CSMD1: variants seen among roughly 807,000 people sequenced by gnomAD.
CSMD1 encodes the protein CUB and sushi domain-containing protein 1.
In CSMD1, 213 loss-of-function variants were observed where a neutral mutation model predicts 417.5. The ratio of observed to expected loss-of-function variants is 0.51; its 90% CI spans 0.46 to 0.57. The LOEUF is 0.57. Among genes scored for constraint, CSMD1 ranks in the 20% least tolerant of loss-of-function variants. The pLI, the probability that CSMD1 is intolerant of heterozygous loss-of-function variation, is 0.00. For synonymous variants in CSMD1, 2,862 were observed against 1,736.8 expected, an observed-to-expected ratio of 1.65 and a Z score of -16.11; for missense variants, 6,923 against 4,529.7, an observed-to-expected ratio of 1.53 and a Z score of -15.17.
At chr8:3,045,186 T>C (rs182879302) in intron 50 of CSMD1, among the ~76,000 whole-genome samples, 1 of 152,332 alleles carries the variant, frequency 6.6e-6, no homozygotes, top group Admixed American at 6.5e-5. Context: ...TCCATTTTAT[T>C]ATAAACGTTA....
At chr8:3,226,130 G>C (rs984519631) in intron 27 of CSMD1, among the ~76,000 whole-genome samples, 1 of 152,174 alleles carries the variant, frequency 6.6e-6, no homozygotes, top group African/African-American at 2.4e-5. Context: ...TTTCTAAATA[G>C]ACACCTTTAT....
At chr8:4,221,195 G>GTC (rs1801010365) in intron 3 of CSMD1, among the ~76,000 whole-genome samples, 1 of 152,162 alleles carries the variant, frequency 6.6e-6, no homozygotes, top group African/African-American at 2.4e-5. Context: ...TCTGGCTTTA[G>GTC]TCTCTGCCCC....
At chr8:3,189,202 A>T (rs1185762064) in intron 34 of CSMD1, among the ~76,000 whole-genome samples, 191 bp from the exon 35 acceptor site, 2 of 152,220 alleles carry the variant, frequency 1.3e-5, no homozygotes, top group African/African-American at 4.8e-5. Flanking sequence ...ATTATTACCT[A>T]TTATGCTACT....
chr8:4,456,860 C>A (rs1432043953), intron 2 of CSMD1, among the ~76,000 whole-genome samples: 1 of 152,018 alleles, frequency 6.6e-6, no homozygotes, highest in Non-Finnish European at 1.5e-5. Flanking sequence ...AAGCCTGGCC[C>A]TGGGCACTGG....
intron 5 of CSMD1, among the ~76,000 whole-genome samples, chr8:3,796,367 ATC>A (rs1206208418): frequency 0.16 from 12,902 of 82,344 alleles, 2,757 homozygotes; most frequent in Middle Eastern, 0.21. Context: ...AGATATAGAT[ATC>A]TATCATGTAT....
At chr8:4,006,869 C>G (rs1416520342) in intron 4 of CSMD1, among the ~76,000 whole-genome samples, 2 of 130,694 alleles carry the variant, frequency 1.5e-5, no homozygotes, top group East Asian at 2.2e-4. Context: ...ACTCTGTTGC[C>G]CAGGCTGGAG....
intron 3 of CSMD1, among the ~76,000 whole-genome samples, chr8:4,081,944 A>T (rs986374821): frequency 1.3e-5 from 2 of 152,156 alleles, no homozygotes; most frequent in East Asian, 1.9e-4. Context: ...ATTACACTCG[A>T]AAAACCATAT....
At chr8:4,205,590 G>A (rs1440068359) in intron 3 of CSMD1, among the ~76,000 whole-genome samples, 1 of 152,190 alleles carries the variant, frequency 6.6e-6, no homozygotes, top group Non-Finnish European at 1.5e-5. Context: ...AAATGATGGG[G>A]TAGGATGAAG....
intron 5 of CSMD1, among the ~76,000 whole-genome samples, chr8:3,966,742 C>CAT (rs1812699798): frequency 9.8e-6 from 1 of 102,270 alleles, no homozygotes; most frequent in African/African-American, 3.8e-5. Flanking sequence ...GACACACACA[C>CAT]ACACACACAC....
chr8:4,507,593 T>C (rs986834606), intron 2 of CSMD1, among the ~76,000 whole-genome samples: 2 of 152,200 alleles, frequency 1.3e-5, no homozygotes, highest in African/African-American at 2.4e-5. Flanking sequence ...GCTTATATAA[T>C]GGGCCATTGG....
intron 2 of CSMD1, among the ~76,000 whole-genome samples, chr8:4,595,581 T>C (rs1349197126): frequency 1.3e-5 from 2 of 152,106 alleles, no homozygotes; most frequent in East Asian, 3.9e-4. Context: ...TGTTGCTTCC[T>C]AAACAATGTC....
chr8:4,925,643 T>A (rs1585341871), intron 1 of CSMD1, among the ~76,000 whole-genome samples: 1 of 151,512 alleles, frequency 6.6e-6, no homozygotes, highest in African/African-American at 2.4e-5. Flanking sequence ...GCCTCCCGGG[T>A]TCACGCCATT....
At chr8:3,119,550 G>A (rs1209640749) in intron 41 of CSMD1, among the ~76,000 whole-genome samples, 1 of 152,154 alleles carries the variant, frequency 6.6e-6, no homozygotes, top group Non-Finnish European at 1.5e-5. Flanking sequence ...TTTGCAGTCT[G>A]TGTGGTTTAA....
chr8:3,047,780 G>C (rs1220397415), intron 50 of CSMD1, among the ~76,000 whole-genome samples: 1 of 152,152 alleles, frequency 6.6e-6, no homozygotes, highest in African/African-American at 2.4e-5. Context: ...TACTTGCATG[G>C]ACATTCTAGA....
chr8:4,818,420 TA>T (rs1799327486), intron 1 of CSMD1, among the ~76,000 whole-genome samples: 1 of 152,206 alleles, frequency 6.6e-6, no homozygotes, highest in Non-Finnish European at 1.5e-5. Flanking sequence ...TTTCTTTTCT[TA>T]ACATTCTGAT....
intron 12 of CSMD1, among the ~76,000 whole-genome samples, chr8:3,462,646 T>C (rs1816577968): frequency 6.6e-6 from 1 of 152,182 alleles, no homozygotes; most frequent in African/African-American, 2.4e-5. Flanking sequence ...AGTTGTATAA[T>C]TATTTTATTA....
intron 6 of CSMD1, among the ~76,000 whole-genome samples, chr8:3,711,538 G>A (rs573341843): frequency 3.9e-5 from 6 of 152,286 alleles, no homozygotes; most frequent in Non-Finnish European, 5.9e-5. Flanking sequence ...TGCAACCACG[G>A]CACCTGGCGT....
chr8:3,249,756 T>A (rs1019482958), intron 26 of CSMD1, among the ~76,000 whole-genome samples: 53 of 7,172 alleles, frequency 7.4e-3, no homozygotes, highest in Middle Eastern at 0.11. Context: ...TTTATTTCCG[T>A]TTTTTTTAAA....
At chr8:3,853,562 T>C (rs1467171511) in intron 5 of CSMD1, among the ~76,000 whole-genome samples, 1 of 151,944 alleles carries the variant, frequency 6.6e-6, no homozygotes, top group Non-Finnish European at 1.5e-5. Context: ...TGTAAGAAAG[T>C]GATTATGAAA....
Sources: gnomAD v4.1 joint callset for allele counts (sites outside exome capture counted in the v4.1 genomes callset) on GRCh38, gnomAD v4.1.1 for gene constraint, MANE v1.5 for transcripts, NCBI Gene and HGNC (gene_info 2026-07-23, HGNC 2026-07-21) for gene names.